TENM2: variants seen among roughly 807,000 people sequenced by gnomAD.
The protein encoded by TENM2 is teneurin-2.
TENM2 carries 52 observed loss-of-function variants against 245.2 expected under a neutral mutation model. The observed-to-expected ratio is 0.21, with a 90% CI of 0.17 to 0.27. The LOEUF (loss-of-function observed/expected upper bound fraction) is 0.27. Among genes scored for constraint, TENM2 ranks in the 10% least tolerant of loss-of-function variants. The pLI is 1.00. For missense variants in TENM2, 3,046 were observed against 3,666.8 expected (o/e 0.83, Z 4.37); for synonymous variants, 1,363 against 1,438.9 (o/e 0.95, Z 1.19).
At chr5:167,820,360 C>T (rs1318148841) in intron 2 of TENM2, among the ~76,000 whole-genome samples, 3 of 152,280 alleles carry the variant, frequency 2.0e-5, no homozygotes, top group East Asian at 3.9e-4. Flanking sequence ...TAGCGTACCT[C>T]GCTTTGTGCA....
chr5:167,947,274 A>G (rs2151810212), intron 3 of TENM2, among the ~76,000 whole-genome samples: 1 of 152,346 alleles, frequency 6.6e-6, no homozygotes, highest in South Asian at 2.1e-4. Context: ...GATTAATTAT[A>G]TCAAATAGTA....
the TENM2 span, among the ~76,000 whole-genome samples, chr5:167,206,225 C>T: frequency 6.6e-6 from 1 of 152,186 alleles, no homozygotes; most frequent in Non-Finnish European, 1.5e-5. Flanking sequence ...CATCATCATT[C>T]CTGAGGCCTC....
intron 2 of TENM2, among the ~76,000 whole-genome samples, chr5:167,510,588 G>A (rs1328908494): frequency 1.3e-5 from 2 of 150,250 alleles, no homozygotes; most frequent in Non-Finnish European, 3.0e-5. Flanking sequence ...ATCAAGAAAG[G>A]AGAAAGAAAG....
chr5:167,324,104 A>G (rs1023728057), intron 1 of TENM2, among the ~76,000 whole-genome samples: 1 of 152,212 alleles, frequency 6.6e-6, no homozygotes, highest in African/African-American at 2.4e-5. Context: ...AGTGAAGATA[A>G]TATTTACCTT....
At position 167,614,017 on chromosome 5, in the gene TENM2, T is replaced by G. The variant is rs534241488; in HGVS notation, c.502+238544T>G. 1.2e-3 allele frequency among the ~76,000 whole-genome samples: 186 copies of G among 152,280 alleles called. 1 individual carries two copies. Among genetic ancestry groups the G allele is most frequent in the African/African-American group, 4.2e-3 (175 of 41,562 alleles). On this transcript the variant is annotated intron_variant, in intron 2 of 28. Coordinates refer to ENST00000518659, the Ensembl canonical transcript of TENM2. ...TTATAATAAATCAGAATTTTAAATT[T>G]TAGGAATCTTTAGAAATCATAGCAT... is the stretch of plus-strand genomic sequence containing the variant.
intron 1 of TENM2, among the ~76,000 whole-genome samples, chr5:167,326,836 A>C (rs1229097085): frequency 2.0e-5 from 3 of 151,478 alleles, no homozygotes; most frequent in Non-Finnish European, 4.4e-5. Flanking sequence ...AAAAGTTCTC[A>C]GGCAGTCTTT....
rs146292964 is a variant in TENM2, at chr5:167,806,980, C to T, written c.503-69006C>T. On this transcript the variant is annotated intron_variant, in intron 2 of 28. Transcript: ENST00000518659. ...AAGTCCAGAATTTTAACTGGGGGCT[C>T]AGTCACAAAGACATAATTGACTACC... Among the ~76,000 whole-genome samples the T allele has an allele frequency of 1.3e-4, 19 of 151,774 alleles. No homozygotes were observed. In the East Asian group the frequency reaches 3.3e-3, roughly 27 times the overall value.
intron 4 of TENM2, among the ~76,000 whole-genome samples, chr5:167,976,415 T>C (rs758867269): frequency 9.9e-5 from 15 of 152,182 alleles, no homozygotes; most frequent in Non-Finnish European, 2.1e-4. Context: ...ATATTTATGA[T>C]ATTTAAGTAT....
intron 2 of TENM2, among the ~76,000 whole-genome samples, chr5:167,454,687 A>G (rs1329927687): frequency 1.3e-5 from 2 of 151,928 alleles, no homozygotes; most frequent in African/African-American, 4.8e-5. Context: ...ATTTTCCTCT[A>G]TATTACCTTT....
At chr5:167,605,768 T>C (rs1237996576) in intron 2 of TENM2, among the ~76,000 whole-genome samples, 1 of 152,194 alleles carries the variant, frequency 6.6e-6, no homozygotes, top group Non-Finnish European at 1.5e-5. Context: ...CCCCTCACTG[T>C]TTCTCATAGA....
intron 2 of TENM2, among the ~76,000 whole-genome samples, chr5:167,764,845 C>A (rs948466984): frequency 1.1e-4 from 17 of 152,182 alleles, no homozygotes; most frequent in Admixed American, 3.9e-4. Context: ...ATGGAGCTGA[C>A]TGGGCAAATT....
chr5:167,029,355 AG>A, the TENM2 span, among the ~76,000 whole-genome samples: 3 of 152,214 alleles, frequency 2.0e-5, no homozygotes, highest in African/African-American at 7.2e-5. Flanking sequence ...AATGTAATAA[AG>A]ACAACTAAAA....
rs568047502 is a variant in TENM2, at chr5:168,038,250, A to G, written c.1187-9177A>G. 1.6e-4 allele frequency among the ~76,000 whole-genome samples: 25 copies of G among 152,342 alleles called. No homozygotes were observed. The South Asian group carries it at 5.2e-3, about 32-fold the overall frequency. ...CCTGGCACATGCAAAGGACTCAATA[A>G]GAGTTAGCCATGATCACCATTGTTA... On this transcript the variant is annotated intron_variant, in intron 5 of 28. Coordinates refer to ENST00000518659, the Ensembl canonical transcript of TENM2.
At chr5:168,012,314 G>A (rs1440491064) in intron 5 of TENM2, among the ~76,000 whole-genome samples, 1 of 152,142 alleles carries the variant, frequency 6.6e-6, no homozygotes, top group Non-Finnish European at 1.5e-5. Context: ...GAAACAGGTT[G>A]AAGGAATTGG....
intron 1 of TENM2, among the ~76,000 whole-genome samples, chr5:167,366,052 A>T (rs1375902850): frequency 1.3e-5 from 2 of 152,012 alleles, no homozygotes; most frequent in Admixed American, 1.3e-4. Flanking sequence ...AACTAAAAAC[A>T]TACACAGACA....
chr5:167,755,407 A>T (rs565996894), intron 2 of TENM2, among the ~76,000 whole-genome samples: 3 of 150,110 alleles, frequency 2.0e-5, no homozygotes, highest in African/African-American at 7.3e-5. Flanking sequence ...CAGGTTGTTG[A>T]TCTGAATTTT....
chr5:167,217,698 A>T, the TENM2 span, among the ~76,000 whole-genome samples: 1 of 144,144 alleles, frequency 6.9e-6, no homozygotes, highest in Non-Finnish European at 1.5e-5. Context: ...AAATGATAAT[A>T]TATATGTAAT....
At chr5:168,132,228 C>T (rs764229215) in intron 12 of TENM2, among the ~76,000 whole-genome samples, 4 of 152,118 alleles carry the variant, frequency 2.6e-5, no homozygotes, top group East Asian at 1.9e-4. Context: ...AAGAAAATAA[C>T]GGCTTTACAA....
intron 4 of TENM2, among the ~76,000 whole-genome samples, chr5:167,984,591 G>T (rs996598284): frequency 6.6e-6 from 1 of 152,166 alleles, no homozygotes; most frequent in Non-Finnish European, 1.5e-5. Context: ...GGAGGTGGAG[G>T]TTGCAGTGAG....
Sources: allele counts gnomAD v4.1 joint callset (sites outside exome capture counted in the v4.1 genomes callset), GRCh38; gene constraint gnomAD v4.1.1; transcripts MANE v1.5; gene names NCBI Gene and HGNC (gene_info 2026-07-23, HGNC 2026-07-21).